Variants in CTNNBL1 observed in about 807,000 individuals in gnomAD.
CTNNBL1 encodes catenin beta like 1, also known as beta-catenin-like protein 1.
Under a neutral mutation model 72.7 loss-of-function variants are expected in CTNNBL1, and 31 were observed. That is an observed-to-expected ratio of 0.43 (90% CI 0.32 to 0.58). CTNNBL1 has a LOEUF of 0.58. CTNNBL1 is among the 20% of genes least tolerant of loss of function. The pLI, the probability that CTNNBL1 is intolerant of heterozygous loss-of-function variation, is 0.08. For missense variants in CTNNBL1, 534 were observed against 725.1 expected, an observed-to-expected ratio of 0.74 and a Z score of 3.03; for synonymous variants, 240 against 267.3, an observed-to-expected ratio of 0.90 and a Z score of 1.00.
rs867056026 is a variant in CTNNBL1 at position 37,765,269 on chromosome 20, G to A, written c.637G>A (p.Asp213Asn). The A allele has an allele frequency of 6.4e-7, 1 of 1,551,114 alleles. No homozygotes were observed. The change falls in exon 6 of 16, where the codon GAT becomes AAT. Residue 213 changes from aspartate (D) to asparagine (N), a missense_variant. Asp to Asn is a conservative substitution (Grantham distance 23). Transcript: ENST00000361383. ...RLDESVKEEA[D>N]GVHNTLAIVE... ...GGATGAGTCTGTGAAAGAGGAGGCA[G>A]ATGGCGTCCACAACACTCTGGGTGA...
intron 10 of CTNNBL1, among the ~76,000 whole-genome samples, chr20:37,785,594 A>G (rs2073665928): frequency 6.6e-6 from 1 of 152,088 alleles, no homozygotes; most frequent in African/African-American, 2.4e-5. Flanking sequence ...TGCTTGATTC[A>G]TTTTAACTAT....
chr20:37,762,852 A>T (rs1325961621), intron 5 of CTNNBL1, among the ~76,000 whole-genome samples: 1 of 152,202 alleles, frequency 6.6e-6, no homozygotes, highest in Non-Finnish European at 1.5e-5. Flanking sequence ...TTGCAAGCTT[A>T]AAAAGGCTGC....
At chr20:37,864,020 G>A (rs531424641) in intron 15 of CTNNBL1, among the ~76,000 whole-genome samples, 388 of 152,228 alleles carry the variant, frequency 2.5e-3, no homozygotes, top group Non-Finnish European at 4.1e-3. Flanking sequence ...GCCTCTGGGA[G>A]CACCCCCTGA....
intron 3 of CTNNBL1, among the ~76,000 whole-genome samples, chr20:37,742,068 G>A (rs2122615145): frequency 6.6e-6 from 1 of 152,020 alleles, no homozygotes; most frequent in South Asian, 2.1e-4. Context: ...CCATCATTTG[G>A]CAGCTTTGAC....
intron 1 of CTNNBL1, among the ~76,000 whole-genome samples, chr20:37,732,266 T>A (rs2073135762): frequency 6.6e-6 from 1 of 152,248 alleles, no homozygotes; most frequent in South Asian, 2.1e-4. Context: ...ACTCAACTCT[T>A]CTGTAAAATA....
At chr20:37,848,146 CTTT>C (rs397866131) in intron 13 of CTNNBL1, among the ~76,000 whole-genome samples, 20 of 87,742 alleles carry the variant, frequency 2.3e-4, no homozygotes, top group East Asian at 1.0e-3. Flanking sequence ...CCACTGCCAG[CTTT>C]TTTTTTTTTT....
At chr20:37,762,063 G>A (rs1211988871) in intron 5 of CTNNBL1, among the ~76,000 whole-genome samples, 1 of 152,180 alleles carries the variant, frequency 6.6e-6, no homozygotes, top group Non-Finnish European at 1.5e-5. Context: ...CAGGGGAGTG[G>A]TGTCATAGCC....
At chr20:37,779,763 A>G (rs1211144384) in intron 10 of CTNNBL1, among the ~76,000 whole-genome samples, 1 of 152,158 alleles carries the variant, frequency 6.6e-6, no homozygotes, top group Non-Finnish European at 1.5e-5. Context: ...TTCACTCCTC[A>G]TTCAGTAATG....
chr20:37,757,769 T>C (rs2073377972), intron 5 of CTNNBL1, 113 bp downstream of exon 5: 2 of 711,734 alleles, frequency 2.8e-6, no homozygotes, highest in Admixed American at 4.6e-5. Flanking sequence ...GGCTGGAGTG[T>C]GGTGAGGCTG....
intron 1 of CTNNBL1, among the ~76,000 whole-genome samples, chr20:37,730,851 CAG>C (rs2073122355): frequency 6.6e-6 from 1 of 152,150 alleles, no homozygotes; most frequent in Non-Finnish European, 1.5e-5. Context: ...GAGGTCCTAA[CAG>C]AGTATGGTAG....
At chr20:37,842,493 C>A in intron 13 of CTNNBL1, 74 bp downstream of exon 13, 1 of 977,170 alleles carries the variant, frequency 1.0e-6, no homozygotes, top group Non-Finnish European at 1.7e-6. Context: ...CCTCCCATCA[C>A]CCCACAGGAT....
intron 2 of CTNNBL1, among the ~76,000 whole-genome samples, chr20:37,733,290 A>T (rs1600451593): frequency 6.6e-6 from 1 of 152,182 alleles, no homozygotes; most frequent in East Asian, 1.9e-4. Flanking sequence ...GTTCCATATT[A>T]TGTACTGTAG....
At position 37,716,850 on chromosome 20, in the gene CTNNBL1, A is replaced by G. The variant is rs749811173; in HGVS notation, c.31-16029A>G. 3.9e-5 allele frequency among the ~76,000 whole-genome samples: 6 copies of G among 152,248 alleles called. No individual in the cohort carries two copies. In the South Asian group the frequency reaches 6.2e-4, roughly 16 times the overall value. On this transcript the variant is annotated intron_variant, in intron 1 of 15. Transcript: ENST00000361383. ...CAAGGGAAAGTTCCACGTGCATTCT[A>G]TCTTCCTTGAAATAAATGTGGCAGC...
At chr20:37,694,292 C>T (rs774661896) in intron 1 of CTNNBL1, 140 bp downstream of exon 1, 1 of 703,060 alleles carries the variant, frequency 1.4e-6, no homozygotes, top group Non-Finnish European at 2.2e-6. Flanking sequence ...CTCAGCCCCT[C>T]GTTTTACTTT....
chr20:37,787,267 A>T (rs1315527952), intron 10 of CTNNBL1, among the ~76,000 whole-genome samples: 1 of 150,252 alleles, frequency 6.7e-6, no homozygotes, highest in Non-Finnish European at 1.5e-5. Flanking sequence ...GATTATAGGC[A>T]CCTGCTACCA....
At chr20:37,795,219 C>A (rs1007345300) in intron 10 of CTNNBL1, among the ~76,000 whole-genome samples, 1 of 151,600 alleles carries the variant, frequency 6.6e-6, no homozygotes, top group African/African-American at 2.4e-5. Flanking sequence ...ACTGAAGCCT[C>A]TGCCTCCTCC....
At chr20:37,703,057 T>C (rs2072857409) in intron 1 of CTNNBL1, among the ~76,000 whole-genome samples, 1 of 152,222 alleles carries the variant, frequency 6.6e-6, no homozygotes, top group African/African-American at 2.4e-5. Flanking sequence ...TATCATATCT[T>C]GCCACTCTTG....
chr20:37,766,535 G>T (rs1216501944), intron 6 of CTNNBL1, among the ~76,000 whole-genome samples: 2 of 152,226 alleles, frequency 1.3e-5, no homozygotes, highest in African/African-American at 2.4e-5. Context: ...GTAGGAGTCA[G>T]TGAAAAGCAC....
intron 15 of CTNNBL1, among the ~76,000 whole-genome samples, chr20:37,864,898 G>GGT (rs1222323023): frequency 1.3e-5 from 2 of 152,076 alleles, no homozygotes; most frequent in African/African-American, 4.8e-5. Flanking sequence ...ACCTCCTCTG[G>GGT]GTCAGGCCTT....
Sources: allele counts gnomAD v4.1 joint callset (sites outside exome capture counted in the v4.1 genomes callset), GRCh38; gene constraint gnomAD v4.1.1; transcripts MANE v1.5; gene names NCBI Gene and HGNC (gene_info 2026-07-23, HGNC 2026-07-21).